DLGAP4: variants seen among roughly 807,000 people sequenced by gnomAD.
The protein encoded by DLGAP4 is DLG associated protein 4, also known as disks large-associated protein 4.
Under a neutral mutation model 86.9 loss-of-function variants are expected in DLGAP4, and 18 were observed. That is an observed-to-expected ratio of 0.21 (90% CI 0.14 to 0.31). The LOEUF (loss-of-function observed/expected upper bound fraction) is 0.31, where lower values mean the gene tolerates loss of function less well. DLGAP4 is among the 10% of genes least tolerant of loss of function. The pLI, the probability that DLGAP4 is intolerant of heterozygous loss-of-function variation, is 1.00. For synonymous variants in DLGAP4, 548 were observed against 574.3 expected, an observed-to-expected ratio of 0.95 and a Z score of 0.65; for missense variants, 1,085 against 1,362.6, an observed-to-expected ratio of 0.80 and a Z score of 3.21.
intron 2 of DLGAP4, among the ~76,000 whole-genome samples, chr20:36,375,895 G>T (rs923483554): frequency 1.3e-5 from 2 of 152,080 alleles, no homozygotes; most frequent in Non-Finnish European, 2.9e-5. Context: ...CGGCAGGTTA[G>T]GTCTGGGTGT....
rs548797689 is a variant in DLGAP4 at position 36,497,488 on chromosome 20, G to A, written c.2010+422G>A. ...AGGCCATAGCCCCGCTTGGCGGCAG[G>A]AGCAGCATGGAGCATAGACGCTGTT... is the stretch of plus-strand genomic sequence containing the variant. On this transcript the variant is annotated intron_variant, in intron 8 of 12. Transcript: ENST00000339266. 7 of 1,021,082 alleles carry A rather than the reference G, an allele frequency of 6.9e-6. No individual in the cohort carries two copies. The South Asian group carries it at 2.7e-4, about 40-fold the overall frequency. 63.3% of individuals were successfully genotyped at this position (1,021,082 alleles called of 1,614,324 possible). A position where few individuals can be genotyped will look rare whatever the true frequency, so the allele number is the denominator to read the frequency against.
At chr20:36,417,458 T>C (rs937616433) in intron 2 of DLGAP4, among the ~76,000 whole-genome samples, 1 of 152,152 alleles carries the variant, frequency 6.6e-6, no homozygotes, top group South Asian at 2.1e-4. Context: ...CACGGCTCAC[T>C]GAAGCCTCAA....
rs1420788248 is a variant in DLGAP4 at position 36,393,509 on chromosome 20, G to A, written c.-73+26234G>A. Among the ~76,000 whole-genome samples, 2 of 152,136 alleles carry A rather than the reference G, an allele frequency of 1.3e-5. No homozygotes were observed. The highest frequency in any genetic ancestry group is 1.5e-5 in the Non-Finnish European group (1 of 68,014). ...CCTCTTGGTAAGCTGGGAAGTATGG[G>A]GCTGGCCTGGATTTCTGGACTTATT... On this transcript the variant is annotated intron_variant, in intron 2 of 12. Coordinates refer to ENST00000339266, the MANE Select transcript of DLGAP4 (RefSeq NM_001365621.2). The surrounding 1 kb of genome is among the most constrained non-coding windows in gnomAD (Gnocchi z 4.4).
intron 7 of DLGAP4, among the ~76,000 whole-genome samples, chr20:36,460,909 T>A (rs1390555087): frequency 6.6e-6 from 1 of 152,192 alleles, no homozygotes; most frequent in Non-Finnish European, 1.5e-5. Context: ...GAGCCGGGAT[T>A]GGAACCCAAT....
At chr20:36,357,603 AG>A (rs1255562160) in intron 1 of DLGAP4, among the ~76,000 whole-genome samples, 2 of 152,208 alleles carry the variant, frequency 1.3e-5, no homozygotes, top group African/African-American at 4.8e-5. Flanking sequence ...TGAGTTTCCA[AG>A]GCCCAAAGAC....
chr20:36,364,319 G>C (rs777833192), intron 1 of DLGAP4, among the ~76,000 whole-genome samples: 15 of 152,252 alleles, frequency 9.9e-5, no homozygotes, highest in Non-Finnish European at 2.1e-4. Context: ...GCTGAGGCAG[G>C]AGGATCCCTT....
chr20:36,445,272 G>A (rs1441733633), intron 6 of DLGAP4, among the ~76,000 whole-genome samples: 5 of 152,182 alleles, frequency 3.3e-5, no homozygotes, highest in South Asian at 2.1e-4. Context: ...TTGGGAGGCC[G>A]AGGCGGGCAG....
intron 2 of DLGAP4, among the ~76,000 whole-genome samples, chr20:36,400,428 A>G (rs567596736): frequency 6.6e-6 from 1 of 152,338 alleles, no homozygotes; most frequent in African/African-American, 2.4e-5. Flanking sequence ...TTACAATATG[A>G]GTCGTATTAT....
intron 1 of DLGAP4, among the ~76,000 whole-genome samples, chr20:36,327,871 G>A (rs1322053437): frequency 4.7e-5 from 7 of 148,044 alleles, no homozygotes; most frequent in African/African-American, 1.5e-4. Context: ...GATTACAGGC[G>A]TGAGCCACCG....
chr20:36,315,376 A>G (rs1306797878), intron 1 of DLGAP4, among the ~76,000 whole-genome samples: 2 of 151,950 alleles, frequency 1.3e-5, no homozygotes, highest in African/African-American at 2.4e-5. Context: ...ACGGAGAGCC[A>G]TGGGTCACGG....
intron 7 of DLGAP4, among the ~76,000 whole-genome samples, chr20:36,477,540 G>A (rs568744560): frequency 9.8e-5 from 15 of 152,348 alleles, no homozygotes; most frequent in African/African-American, 3.6e-4. Context: ...GAGGAGCCTG[G>A]CCACTGCCCC....
At chr20:36,332,647 T>C (rs1402995947) in intron 1 of DLGAP4, among the ~76,000 whole-genome samples, 1 of 151,966 alleles carries the variant, frequency 6.6e-6, no homozygotes, top group East Asian at 1.9e-4. Context: ...GCCTGTGCCA[T>C]CTTGGGTGCC....
At chr20:36,497,403 G>C in intron 8 of DLGAP4, 1 of 1,154,012 alleles carries the variant, frequency 8.7e-7, no homozygotes, top group South Asian at 2.4e-5. Context: ...CCTGCCAGCT[G>C]ACCCGTGGGA....
intron 1 of DLGAP4, among the ~76,000 whole-genome samples, chr20:36,331,265 C>G (rs117410631): frequency 6.6e-6 from 1 of 152,200 alleles, no homozygotes; most frequent in Non-Finnish European, 1.5e-5. Flanking sequence ...TGTCAGAAAA[C>G]GAGGGGAAGA....
chr20:36,435,177 T>C (rs1248162929), intron 3 of DLGAP4, among the ~76,000 whole-genome samples: 1 of 152,054 alleles, frequency 6.6e-6, no homozygotes, highest in African/African-American at 2.4e-5. Flanking sequence ...GGCATATGCT[T>C]GTTCTGTACA....
intron 7 of DLGAP4, among the ~76,000 whole-genome samples, chr20:36,457,564 A>G (rs2147604373): frequency 6.6e-6 from 1 of 152,004 alleles, no homozygotes; most frequent in South Asian, 2.1e-4. Context: ...TATTTTTAGT[A>G]GAGACGGGGT....
intron 7 of DLGAP4, among the ~76,000 whole-genome samples, chr20:36,454,581 C>T (rs754089022): frequency 2.0e-5 from 3 of 152,152 alleles, no homozygotes; most frequent in African/African-American, 7.2e-5. Context: ...TACTGGGTCA[C>T]CCCTGCTCAG....
intron 2 of DLGAP4, among the ~76,000 whole-genome samples, chr20:36,387,714 T>C (rs548852937): frequency 5.9e-5 from 9 of 152,352 alleles, no homozygotes; most frequent in Non-Finnish European, 7.4e-5. Flanking sequence ...CATTTTTCTA[T>C]AGCTAGCCTA....
At chr20:36,336,657 C>T (rs2065325021) in intron 1 of DLGAP4, among the ~76,000 whole-genome samples, 2 of 152,160 alleles carry the variant, frequency 1.3e-5, no homozygotes, top group Admixed American at 1.3e-4. Flanking sequence ...ACTAAGGGGA[C>T]AATGGGGGTC....
Sources: gnomAD v4.1 joint callset for allele counts (sites outside exome capture counted in the v4.1 genomes callset) on GRCh38, gnomAD v4.1.1 for gene constraint, Gnocchi (gnomAD v3.1) non-coding constraint, MANE v1.5 for transcripts, NCBI Gene and HGNC (gene_info 2026-07-23, HGNC 2026-07-21) for gene names.